MTSS1: variants seen among roughly 807,000 people sequenced by gnomAD.
MTSS1 encodes the protein MTSS I-BAR domain containing 1, also known as protein MTSS 1.
In MTSS1, 18 loss-of-function variants were observed where a neutral mutation model predicts 79.0. The observed-to-expected ratio is 0.23, with a 90% CI of 0.16 to 0.34. The LOEUF (loss-of-function observed/expected upper bound fraction) is 0.34, where lower values mean the gene tolerates loss of function less well. MTSS1 is among the 10% of genes least tolerant of loss of function. MTSS1 has a pLI of 1.00. For missense variants in MTSS1, 815 were observed against 986.2 expected (o/e 0.83, Z 2.33); for synonymous variants, 341 against 368.6 (o/e 0.93, Z 0.86).
chr8:124,650,507 T>G (rs1311012970), intron 3 of MTSS1, among the ~76,000 whole-genome samples: 1 of 151,968 alleles, frequency 6.6e-6, no homozygotes, highest in Admixed American at 6.6e-5. Context: ...CGTGCTAAGA[T>G]AGAGAAGCCG....
At chr8:124,584,776 C>T (rs368033035) in intron 6 of MTSS1, among the ~76,000 whole-genome samples, 2 of 152,182 alleles carry the variant, frequency 1.3e-5, no homozygotes, top group Non-Finnish European at 2.9e-5. Flanking sequence ...TGCATAAAGG[C>T]CTTTCTGCAT....
intron 3 of MTSS1, among the ~76,000 whole-genome samples, chr8:124,615,729 A>T (rs113735498): frequency 7.0e-4 from 107 of 152,326 alleles, no homozygotes; most frequent in African/African-American, 2.2e-3. Context: ...AAAAATTAAA[A>T]TTTTTTTAAA....
In MTSS1 at chr8:124,722,469, C is replaced by T. The variant is rs532698425; in HGVS notation, c.72+5415G>A. On this transcript the variant is annotated intron_variant, in intron 1 of 13. Coordinates refer to ENST00000518547, the MANE Select transcript of MTSS1 (RefSeq NM_014751.6). ...TGCTACTTTTAAGTTTTTGGTTGTT[C>T]GGTTGTTTCTGATTTGCCTTGGTGG... Among the ~76,000 whole-genome samples, 4 of 152,266 alleles carry T rather than the reference C, an allele frequency of 2.6e-5. No homozygotes were observed. The South Asian group carries it at 8.3e-4, about 32-fold the overall frequency.
In MTSS1 at chr8:124,553,164, T is replaced by G; in HGVS notation, c.2096A>C (p.Glu699Ala). The G allele has an allele frequency of 6.2e-7, 1 of 1,614,148 alleles. No homozygotes were observed. Residue 699 changes from glutamate (E) to alanine (A), a missense_variant, in exon 14 of 14, where the codon GAA (glutamate) becomes GCA (alanine). Physicochemically the swap from Glu to Ala is moderately radical, Grantham distance 107 (BLOSUM62 -1). Transcript: ENST00000518547. This position sits in a 1 kb window ranked among gnomAD's most constrained non-coding sequence, Gnocchi z 6.0. ...GACAGTGGCACTTGGGGGTTCCCGTTCCTGGTCTTCAGCTTCACTTTCTGG... is the reference window on the plus strand; with the variant it reads ...GACAGTGGCACTTGGGGGTTCCCGTGCCTGGTCTTCAGCTTCACTTTCTGG... ...AIPESEAEDQ[E>A]REPPSATVSP... is the part of the protein sequence containing the mutation.
chr8:124,568,647 T>C (rs748887001), intron 6 of MTSS1, 111 bp from the exon 7 acceptor site: 1 of 1,523,322 alleles, frequency 6.6e-7, no homozygotes, highest in Non-Finnish European at 9.0e-7. Context: ...TTCCAGGATG[T>C]AAAAAAAGTA....
chr8:124,700,333 T>C (rs769686363), intron 2 of MTSS1, among the ~76,000 whole-genome samples: 2 of 152,150 alleles, frequency 1.3e-5, no homozygotes, highest in African/African-American at 2.4e-5. Context: ...AGAAAGATCA[T>C]GTAGTTCAAA....
In MTSS1 at chr8:124,700,155, A is replaced by C. The variant is rs533722291; in HGVS notation, c.135-556T>G. 7.0e-4 allele frequency among the ~76,000 whole-genome samples: 106 copies of C among 151,122 alleles called. 4 individuals are homozygous for C. The South Asian group carries it at 0.022, about 31-fold the overall frequency. On this transcript the variant is annotated intron_variant, in intron 2 of 13. Coordinates refer to ENST00000518547, the MANE Select transcript of MTSS1 (RefSeq NM_014751.6). Reference sequence around the variant, plus strand: ...CTCTGCCTCAAAAAAAAAAAGAAAAAAGAAACACCTACTACCAGGCAAAGT... The same window carrying C: ...CTCTGCCTCAAAAAAAAAAAGAAAACAGAAACACCTACTACCAGGCAAAGT...
chr8:124,622,526 G>A (rs1218812973), intron 3 of MTSS1, among the ~76,000 whole-genome samples: 1 of 151,016 alleles, frequency 6.6e-6, no homozygotes, highest in Non-Finnish European at 1.5e-5. Flanking sequence ...TGGGTGCAGT[G>A]GCTCATTCCC....
At chr8:124,588,404 G>A (rs1275123417) in intron 5 of MTSS1, among the ~76,000 whole-genome samples, 3 of 152,160 alleles carry the variant, frequency 2.0e-5, no homozygotes, top group Admixed American at 6.5e-5. Flanking sequence ...AGAATGACCT[G>A]AACAGGGGAT....
In MTSS1 at chr8:124,724,164, A is replaced by T. The variant is rs115908468; in HGVS notation, c.72+3720T>A. Among the ~76,000 whole-genome samples, 1,303 of 152,256 alleles carry T rather than the reference A, an allele frequency of 8.6e-3. 16 individuals are homozygous for T. Among genetic ancestry groups the T allele is most frequent in the African/African-American group, 0.03 (1,237 of 41,552 alleles). On this transcript the variant is annotated intron_variant, in intron 1 of 13. Transcript: ENST00000518547. ...GGGGTAAAAAAAAAATCCTGAAATC[A>T]CTATCCAGTGTTGGACCCACTACCC...
At chr8:124,580,422 A>G (rs1222238379) in intron 6 of MTSS1, 1 of 937,586 alleles carries the variant, frequency 1.1e-6, no homozygotes, top group Non-Finnish European at 1.6e-6. Context: ...AAAATTAGGT[A>G]GGCACAGTTG....
chr8:124,559,745 A>T (rs537855668), intron 10 of MTSS1, among the ~76,000 whole-genome samples: 3 of 152,296 alleles, frequency 2.0e-5, no homozygotes, highest in Admixed American at 2.0e-4. Context: ...ATGAGTGACA[A>T]TGATCATCTC....
At chr8:124,635,903 C>A (rs1432223210) in intron 3 of MTSS1, among the ~76,000 whole-genome samples, 1 of 152,006 alleles carries the variant, frequency 6.6e-6, no homozygotes, top group Non-Finnish European at 1.5e-5. Context: ...TCATTTAGGC[C>A]AAATAAACTG....
chr8:124,571,458 A>G (rs1827756058), intron 6 of MTSS1, among the ~76,000 whole-genome samples: 1 of 152,182 alleles, frequency 6.6e-6, no homozygotes, highest in Non-Finnish European at 1.5e-5. Flanking sequence ...GTTGGGTCAC[A>G]TGACTCAGGG....
chr8:124,639,940 A>G (rs1344869808), intron 3 of MTSS1, among the ~76,000 whole-genome samples: 2 of 142,562 alleles, frequency 1.4e-5, no homozygotes, highest in Non-Finnish European at 3.1e-5. Flanking sequence ...GGCTGACATT[A>G]TAAGTAGGCA....
rs745654549 is a variant in MTSS1 at position 124,555,800 on chromosome 8, G to A, written c.1509C>T (p.Ser503=). The part of the protein sequence containing the change: ...RSSRDSLQCS[S]GYSTQTTTPC... Reference sequence around the variant, plus strand: ...GGGTGGTTGTCTGGGTGCTGTAGCCGCTGGAGCACTGAAGCGAGTCCCGGC... The same window carrying A: ...GGGTGGTTGTCTGGGTGCTGTAGCCACTGGAGCACTGAAGCGAGTCCCGGC... The change falls in exon 13 of 14, where the codon AGC becomes AGT. Residue 503 remains serine, a synonymous_variant. Transcript: ENST00000518547. 18 of 1,613,336 alleles carry A rather than the reference G, an allele frequency of 1.1e-5. No individual in the cohort carries two copies. Among genetic ancestry groups the A allele is most frequent in the African/African-American group, 5.3e-5 (4 of 74,940 alleles).
chr8:124,699,761 C>T (rs1245120516), intron 2 of MTSS1, among the ~76,000 whole-genome samples, 162 bp from the exon 3 acceptor site: 1 of 152,152 alleles, frequency 6.6e-6, no homozygotes. Context: ...CCACTTTTTT[C>T]CAAGTACTCC....
At chr8:124,722,471 G>A (rs983217270) in intron 1 of MTSS1, among the ~76,000 whole-genome samples, 4 of 152,170 alleles carry the variant, frequency 2.6e-5, no homozygotes, top group African/African-American at 9.7e-5. Flanking sequence ...TGGTTGTTCG[G>A]TTGTTTCTGA....
At chr8:124,560,086 G>A (rs974607886) in intron 10 of MTSS1, among the ~76,000 whole-genome samples, 2 of 152,192 alleles carry the variant, frequency 1.3e-5, no homozygotes, top group Non-Finnish European at 2.9e-5. Flanking sequence ...CACGGTGGAC[G>A]GACATCCCAG....
Sources: gnomAD v4.1 joint callset for allele counts (sites outside exome capture counted in the v4.1 genomes callset) on GRCh38, gnomAD v4.1.1 for gene constraint, Gnocchi (gnomAD v3.1) non-coding constraint, MANE v1.5 for transcripts, NCBI Gene and HGNC (gene_info 2026-07-23, HGNC 2026-07-21) for gene names.